CCDC141: variants seen among roughly 807,000 people sequenced by gnomAD.
The protein encoded by CCDC141 is coiled-coil domain-containing protein 141.
A neutral mutation model predicts 181.0 loss-of-function variants in CCDC141; 168 were observed. That is an observed-to-expected ratio of 0.93 (90% CI 0.82 to 1.05). CCDC141 has a LOEUF of 1.05. CCDC141 is among the 50% of genes least tolerant of loss of function. The pLI is 0.00. For synonymous variants in CCDC141, 666 were observed against 642.3 expected, an observed-to-expected ratio of 1.04 and a Z score of -0.56; for missense variants, 1,902 against 1,788.5, an observed-to-expected ratio of 1.06 and a Z score of -1.14.
intron 2 of CCDC141, among the ~76,000 whole-genome samples, chr2:179,032,501 G>T (rs1188386549): frequency 6.6e-6 from 1 of 152,110 alleles, no homozygotes; most frequent in Non-Finnish European, 1.5e-5. Context: ...GGCTTTTCTG[G>T]AACTTTTTCT....
At chr2:178,986,868 A>G (rs1691772279) in intron 2 of CCDC141, among the ~76,000 whole-genome samples, 1 of 151,622 alleles carries the variant, frequency 6.6e-6, no homozygotes, top group Admixed American at 6.6e-5. Flanking sequence ...GGAAGAATCA[A>G]TATCGTGAAA....
At chr2:178,837,848 C>T (rs1199443548) in intron 22 of CCDC141, 104 bp from the exon 23 acceptor site, 4 of 1,154,000 alleles carry the variant, frequency 3.5e-6, no homozygotes, top group Non-Finnish European at 4.5e-6. Flanking sequence ...AGACAACCTA[C>T]AAGGTTAAAA....
rs1684368868 is a variant in CCDC141 at position 178,834,045 on chromosome 2, A to T, written c.*128T>A. The T allele has an allele frequency of 2.1e-6, 2 of 963,098 alleles. No homozygotes were observed. Among genetic ancestry groups the T allele is most frequent in the Non-Finnish European group, 3.0e-6 (2 of 663,680 alleles). The allele number at this position is 963,098 out of a possible 1,614,324, so 59.7% of individuals were successfully genotyped here. A position where few individuals can be genotyped will look rare whatever the true frequency, so the allele number is the denominator to read the frequency against. ...ATTTCACCTAGCAGTGGTATTAGCC[A>T]AACAAGTATGGTGATCAGACTGGAG... On this transcript the variant is annotated 3_prime_UTR_variant, in exon 24 of 24. Transcript: ENST00000443758.
At chr2:179,030,321 C>T (rs1027937211) in intron 2 of CCDC141, among the ~76,000 whole-genome samples, 4 of 151,908 alleles carry the variant, frequency 2.6e-5, no homozygotes, top group Non-Finnish European at 4.4e-5. Flanking sequence ...CTTTAATGAC[C>T]CGTTAACCAA....
intron 4 of CCDC141, among the ~76,000 whole-genome samples, chr2:178,970,935 C>CT (rs1690856674): frequency 6.6e-6 from 1 of 152,182 alleles, no homozygotes; most frequent in Non-Finnish European, 1.5e-5. Flanking sequence ...AAAGGCCGGG[C>CT]ACAGTGGCTC....
At chr2:178,834,768 T>G (rs995962822) in intron 23 of CCDC141, among the ~76,000 whole-genome samples, 1 of 151,360 alleles carries the variant, frequency 6.6e-6, no homozygotes, top group Non-Finnish European at 1.5e-5. Flanking sequence ...TTTTAAGAGA[T>G]AGGATCTCGC....
intron 2 of CCDC141, among the ~76,000 whole-genome samples, chr2:179,017,249 C>A (rs560038169): frequency 3.9e-5 from 6 of 152,128 alleles, no homozygotes; most frequent in African/African-American, 1.4e-4. Context: ...AAAAATAATA[C>A]TTATAGTTCT....
intron 2 of CCDC141, among the ~76,000 whole-genome samples, chr2:179,013,537 G>C (rs901896496): frequency 2.6e-5 from 4 of 152,092 alleles, no homozygotes; most frequent in Non-Finnish European, 5.9e-5. Context: ...TGATCATACT[G>C]TCAAAAGAAG....
chr2:178,837,894 C>T, intron 22 of CCDC141, 150 bp from the exon 23 acceptor site: 1 of 795,714 alleles, frequency 1.3e-6, no homozygotes, highest in Non-Finnish European at 1.9e-6. Flanking sequence ...GGATGAGAAA[C>T]CATTTGTCTG....
intron 2 of CCDC141, among the ~76,000 whole-genome samples, chr2:178,989,496 A>C (rs1691924965): frequency 6.6e-6 from 1 of 151,824 alleles, no homozygotes; most frequent in Non-Finnish European, 1.5e-5. Flanking sequence ...CAGGAGGCTG[A>C]GGCAGGAGAA....
At chr2:178,906,087 C>A (rs890329803) in intron 7 of CCDC141, among the ~76,000 whole-genome samples, 1 of 152,088 alleles carries the variant, frequency 6.6e-6, no homozygotes, top group Non-Finnish European at 1.5e-5. Flanking sequence ...TGTTCTGAAG[C>A]CATGCAAAGA....
chr2:179,002,419 G>T, intron 2 of CCDC141: 1 of 362,684 alleles, frequency 2.8e-6, no homozygotes, highest in South Asian at 2.2e-5. Context: ...GATGTTCCTG[G>T]ACTGACTGAC....
At chr2:178,982,039 C>T (rs529246817) in intron 2 of CCDC141, among the ~76,000 whole-genome samples, 56 of 152,036 alleles carry the variant, frequency 3.7e-4, no homozygotes, top group Non-Finnish European at 6.6e-4. Context: ...AATTTGATAA[C>T]TGAGATGAAA....
At chr2:178,882,951 G>A (rs1202907852) in intron 11 of CCDC141, among the ~76,000 whole-genome samples, 3 of 152,266 alleles carry the variant, frequency 2.0e-5, no homozygotes, top group East Asian at 3.9e-4. Flanking sequence ...GTGAAGTAAT[G>A]TACGGGGAGC....
intron 2 of CCDC141, among the ~76,000 whole-genome samples, chr2:179,032,192 G>A (rs1054857045): frequency 1.9e-4 from 29 of 152,016 alleles, no homozygotes; most frequent in African/African-American, 6.8e-4. Context: ...ATCCTCTCAT[G>A]GCACCTGTAG....
chr2:178,918,612 T>C (rs1688554071), intron 7 of CCDC141, 101 bp downstream of exon 7: 1 of 887,332 alleles, frequency 1.1e-6, no homozygotes, highest in East Asian at 2.7e-5. Flanking sequence ...AAATTTTACA[T>C]GGCGTTTTGA....
intron 5 of CCDC141, among the ~76,000 whole-genome samples, chr2:178,959,587 GATA>G (rs2154378798): frequency 6.6e-6 from 1 of 152,274 alleles, no homozygotes; most frequent in South Asian, 2.1e-4. Flanking sequence ...TGCATTGGAC[GATA>G]ATGCTTTGGG....
chr2:178,959,829 C>T (rs997454170), intron 5 of CCDC141, among the ~76,000 whole-genome samples: 6 of 152,212 alleles, frequency 3.9e-5, no homozygotes, highest in East Asian at 3.8e-4. Context: ...GCCACTTCCT[C>T]GGAGAGGCTT....
intron 2 of CCDC141, among the ~76,000 whole-genome samples, chr2:178,996,446 G>T (rs1405457320): frequency 2.0e-5 from 3 of 152,128 alleles, no homozygotes; most frequent in African/African-American, 7.2e-5. Context: ...ATTCATTCTA[G>T]GGAAAACCAG....
Sources: allele counts gnomAD v4.1 joint callset (sites outside exome capture counted in the v4.1 genomes callset), GRCh38; gene constraint gnomAD v4.1.1; transcripts MANE v1.5; gene names NCBI Gene and HGNC (gene_info 2026-07-23, HGNC 2026-07-21).